The following KCNQ1 variants were observed in gnomAD, a reference collection of about 807,000 sequenced individuals.
KCNQ1 encodes the protein potassium voltage-gated channel subfamily Q member 1.
In KCNQ1, 49 loss-of-function variants were observed where a neutral mutation model predicts 72.4. The observed-to-expected ratio is 0.68, with a 90% CI of 0.54 to 0.86. The LOEUF (loss-of-function observed/expected upper bound fraction) is 0.86. KCNQ1 is among the 40% of genes least tolerant of loss of function. The probability of loss-of-function intolerance (pLI) is 0.00; values close to 1 mark genes in which losing one functional copy is unlikely to be tolerated. For synonymous variants in KCNQ1, 450 were observed against 412.6 expected (o/e 1.09, Z -1.10); for missense variants, 790 against 945.1 (o/e 0.84, Z 2.15).
intron 11 of KCNQ1, chr11:2,699,611 C>T (rs574874429): frequency 9.7e-5 from 34 of 349,884 alleles, no homozygotes; most frequent in African/African-American, 3.9e-4. Context: ...GAGAGGCCCC[C>T]GGAGAGAACC....
chr11:2,496,995 C>T (rs1416074846), intron 1 of KCNQ1, among the ~76,000 whole-genome samples: 1 of 152,124 alleles, frequency 6.6e-6, no homozygotes, highest in African/African-American at 2.4e-5. Flanking sequence ...TATTGGCTCC[C>T]ACTCTCTTCT....
At chr11:2,648,703 C>T (rs755761945) in intron 10 of KCNQ1, 101 of 398,430 alleles carry the variant, frequency 2.5e-4, no homozygotes, top group Middle Eastern at 1.9e-3. Flanking sequence ...TATGGTATAT[C>T]CTGGAGAATG....
rs1413497934 is a variant in KCNQ1 at position 2,608,510 on chromosome 11, CTG to C, written c.1393+19658_1393+19659del. 9.3e-5 allele frequency: 37 copies of C among 398,596 alleles called. No homozygotes were observed. Among genetic ancestry groups the C allele is most frequent in the Middle Eastern group, 1.3e-3 (2 of 1,588 alleles). 24.7% of individuals were successfully genotyped at this position (398,596 alleles called of 1,614,324 possible). A position where few individuals can be genotyped will look rare whatever the true frequency, so the allele number is the denominator to read the frequency against. On this transcript the variant is annotated intron_variant, in intron 10 of 15. Coordinates refer to ENST00000155840, the MANE Select transcript of KCNQ1 (RefSeq NM_000218.3). The surrounding 1 kb of genome is among the most constrained non-coding windows in gnomAD (Gnocchi z 4.6). ...TCTTTTTGAGAAACAGAGTCTCTCTCTGTTGCCCAGGCTGGAATAGAGTGGTG... is the reference window on the plus strand; with the variant it reads ...TCTTTTTGAGAAACAGAGTCTCTCTCTTGCCCAGGCTGGAATAGAGTGGTG...
At chr11:2,522,356 G>T (rs373017083) in intron 1 of KCNQ1, among the ~76,000 whole-genome samples, 1 of 152,080 alleles carries the variant, frequency 6.6e-6, no homozygotes, top group Non-Finnish European at 1.5e-5. Context: ...CATAGGATTC[G>T]TCCTCTCCCA....
At position 2,497,628 on chromosome 11, in the gene KCNQ1, A is replaced by G. The variant is rs927835335; in HGVS notation, c.387-30300A>G. ...GTTAGAACATGCTTCTCTAGCTCAG[A>G]GGAATTTGTTATTACCCACCTTCTG... On this transcript the variant is annotated intron_variant, in intron 1 of 15. Transcript: ENST00000155840. This position sits in a 1 kb window ranked among gnomAD's most constrained non-coding sequence, Gnocchi z 4.5. Among the ~76,000 whole-genome samples the G allele has an allele frequency of 6.6e-6, 1 of 152,156 alleles. No individual in the cohort carries two copies. Among genetic ancestry groups the G allele is most frequent in the Non-Finnish European group, 1.5e-5 (1 of 68,034 alleles).
chr11:2,680,214 A>C, intron 11 of KCNQ1: 1 of 398,148 alleles, frequency 2.5e-6, no homozygotes, highest in Non-Finnish European at 4.4e-6. Context: ...ATTAAAAAAA[A>C]AAAAAAAAAA....
At position 2,783,271 on chromosome 11, in the gene KCNQ1, G is replaced by A. The variant is rs1241701562; in HGVS notation, c.1794+5234G>A. On this transcript the variant is annotated intron_variant, in intron 15 of 15. Coordinates refer to ENST00000155840, the MANE Select transcript of KCNQ1 (RefSeq NM_000218.3). This position sits in a 1 kb window ranked among gnomAD's most constrained non-coding sequence, Gnocchi z 5.2. ...GGTTTTTGTCATTGTTATAATTGTA[G>A]CACAGCTTTCTCATAATGTTGCCCT... Among the ~76,000 whole-genome samples the A allele has an allele frequency of 6.6e-6, 1 of 152,038 alleles. No individual in the cohort carries two copies. The highest frequency in any genetic ancestry group is 2.4e-5 in the African/African-American group (1 of 41,404).
At chr11:2,634,014 G>C in intron 10 of KCNQ1, 1 of 398,634 alleles carries the variant, frequency 2.5e-6, no homozygotes. Context: ...ATGTCAGGCA[G>C]TGTAGTGCCT....
chr11:2,700,819 C>G (rs1447825931), intron 11 of KCNQ1, among the ~76,000 whole-genome samples: 2 of 152,146 alleles, frequency 1.3e-5, no homozygotes, highest in Admixed American at 1.3e-4. Flanking sequence ...GTCTGCCGGC[C>G]CCTCCCCTTG....
At chr11:2,502,663 T>C (rs1847036980) in intron 1 of KCNQ1, among the ~76,000 whole-genome samples, 1 of 152,208 alleles carries the variant, frequency 6.6e-6, no homozygotes, top group Non-Finnish European at 1.5e-5. Flanking sequence ...AATGACATTC[T>C]TCACAGAAAT....
chr11:2,585,438 G>C, intron 8 of KCNQ1, 131 bp downstream of exon 8: 1 of 821,138 alleles, frequency 1.2e-6, no homozygotes, highest in South Asian at 1.4e-5. Flanking sequence ...GGCATACTCT[G>C]CTTGTGGAAG....
At chr11:2,597,852 A>G (rs1266382483) in intron 10 of KCNQ1, among the ~76,000 whole-genome samples, 1 of 152,156 alleles carries the variant, frequency 6.6e-6, no homozygotes, top group African/African-American at 2.4e-5. Flanking sequence ...AAGCATTTCA[A>G]TTGTGTTGCC....
At chr11:2,476,255 A>G (rs1293416322) in intron 1 of KCNQ1, among the ~76,000 whole-genome samples, 2 of 152,198 alleles carry the variant, frequency 1.3e-5, no homozygotes, top group African/African-American at 4.8e-5. Context: ...CCTATGCTGG[A>G]TATCTCTGAT....
intron 15 of KCNQ1, among the ~76,000 whole-genome samples, chr11:2,846,577 C>A (rs1475824085): frequency 2.6e-5 from 4 of 152,222 alleles, no homozygotes; most frequent in Admixed American, 6.5e-5. Flanking sequence ...GGGTCCCCAA[C>A]CTGGACTCCC....
chr11:2,541,470 G>C lies in KCNQ1; in HGVS notation c.477+13452G>C, dbSNP rs1847821945. ...AGGGATGGCTGCTGTCCTCGGGGGAGGGACTGAGCTGGGCCCTTTTCGTTG... is the reference window on the plus strand; with the variant it reads ...AGGGATGGCTGCTGTCCTCGGGGGACGGACTGAGCTGGGCCCTTTTCGTTG... On this transcript the variant is annotated intron_variant, in intron 2 of 15. Transcript: ENST00000155840. This position sits in a 1 kb window ranked among gnomAD's most constrained non-coding sequence, Gnocchi z 4.8. Among the ~76,000 whole-genome samples, 1 of 152,132 alleles carries C rather than the reference G, an allele frequency of 6.6e-6. No homozygotes were observed. The highest frequency in any genetic ancestry group is 1.5e-5 in the Non-Finnish European group (1 of 68,028).
intron 10 of KCNQ1, chr11:2,660,714 G>GCTTCATTCAACA (rs1184611504): frequency 1.0e-5 from 4 of 398,496 alleles, no homozygotes; most frequent in Non-Finnish European, 1.8e-5. Flanking sequence ...CTTCATTCGG[G>GCTTCATTCAACA]CTTCATTCAA....
rs1426450293 is a variant in KCNQ1, at chr11:2,776,004, C to T, written c.1635C>T (p.Tyr545=). The change falls in exon 13 of 16, where the codon TAC becomes TAT. Residue 545 remains tyrosine, a synonymous_variant. Transcript: ENST00000155840. ...PYDVRDVIEQ[Y]SQGHLNLMVR... Reference sequence around the variant, plus strand: ...ATGTGCGGGACGTCATTGAGCAGTACTCGCAGGGCCACCTCAACCTCATGG... The same window carrying T: ...ATGTGCGGGACGTCATTGAGCAGTATTCGCAGGGCCACCTCAACCTCATGG... 1 of 1,573,970 alleles carries T rather than the reference C, an allele frequency of 6.4e-7. No individual in the cohort carries two copies. The highest frequency in any genetic ancestry group is 2.3e-5 in the East Asian group (1 of 43,226).
In KCNQ1 at chr11:2,748,061, A is replaced by G. The variant is rs1049646450; in HGVS notation, c.1515-20783A>G. Among the ~76,000 whole-genome samples, 1 of 152,078 alleles carries G rather than the reference A, an allele frequency of 6.6e-6. No homozygotes were observed. Among genetic ancestry groups the G allele is most frequent in the African/African-American group, 2.4e-5 (1 of 41,404 alleles). ...AGCAATATCTGATTTTCAGAAAACC[A>G]TGGCTCACCCACACTCTACCCTAGG... On this transcript the variant is annotated intron_variant, in intron 11 of 15. Transcript: ENST00000155840. This position sits in a 1 kb window ranked among gnomAD's most constrained non-coding sequence, Gnocchi z 6.2.
intron 6 of KCNQ1, among the ~76,000 whole-genome samples, chr11:2,580,074 A>G (rs1336965704): frequency 6.6e-6 from 1 of 152,236 alleles, no homozygotes; most frequent in Non-Finnish European, 1.5e-5. Context: ...TAATGTTGTT[A>G]TTAGAACAAT....
Sources: allele counts gnomAD v4.1 joint callset (sites outside exome capture counted in the v4.1 genomes callset), GRCh38; gene constraint gnomAD v4.1.1; non-coding constraint Gnocchi (gnomAD v3.1); transcripts MANE v1.5; gene names NCBI Gene and HGNC (gene_info 2026-07-23, HGNC 2026-07-21).